The following LAP3 variants were observed in gnomAD, a reference collection of about 807,000 sequenced individuals.
The protein encoded by LAP3 is cytosol aminopeptidase.
LAP3 carries 46 observed loss-of-function variants against 58.8 expected under a neutral mutation model. The observed-to-expected ratio is 0.78, with a 90% CI of 0.62 to 1.00. The LOEUF (loss-of-function observed/expected upper bound fraction) is 1.00, where lower values mean the gene tolerates loss of function less well. LAP3 is among the 50% of genes least tolerant of loss of function. The pLI, the probability that LAP3 is intolerant of heterozygous loss-of-function variation, is 0.00. For synonymous variants in LAP3, 257 were observed against 237.7 expected (o/e 1.08, Z -0.75); for missense variants, 615 against 659.1 (o/e 0.93, Z 0.73).
intron 1 of LAP3, among the ~76,000 whole-genome samples, chr4:17,579,323 T>G (rs533228872): frequency 2.0e-5 from 3 of 152,318 alleles, no homozygotes; most frequent in South Asian, 4.1e-4. Context: ...CTCCTTTTCC[T>G]GGTACAGGGA....
chr4:17,600,330 GC>G (rs1713951251), intron 10 of LAP3, among the ~76,000 whole-genome samples: 1 of 144,008 alleles, frequency 6.9e-6, no homozygotes, highest in South Asian at 2.2e-4. Flanking sequence ...TTCAAAGCTG[GC>G]ATTATAGTGT....
chr4:17,607,346 A>C, intron 12 of LAP3, 54 bp from the exon 13 acceptor site: 2 of 1,501,080 alleles, frequency 1.3e-6, no homozygotes, highest in East Asian at 4.6e-5. Context: ...AAAATGTGGG[A>C]TCTCAGTGCA....
intron 12 of LAP3, 139 bp from the exon 13 acceptor site, chr4:17,607,261 C>G (rs4698629): frequency 0.66 from 426,647 of 644,892 alleles, 143,960 homozygotes; most frequent in East Asian, 0.96. Context: ...TATTCTGAAA[C>G]TGATATGTGG....
rs867753692 is a variant in LAP3 at position 17,582,558 on chromosome 4, T to A, written c.379+165T>A. 22 of 601,252 alleles carry A rather than the reference T, an allele frequency of 3.7e-5. No homozygotes were observed. In the Middle Eastern group the frequency reaches 1.0e-3, roughly 29 times the overall value. 37.2% of individuals were successfully genotyped at this position (601,252 alleles called of 1,614,324 possible). The stretch of plus-strand genomic sequence containing the variant: ...TCCTCTTGCTGAATATGGTTGGCCT[T>A]ATGATAAATACAGAAGGTTAGCTAA... On this transcript the variant is annotated intron_variant, in intron 4 of 12. Coordinates refer to ENST00000226299, the MANE Select transcript of LAP3 (RefSeq NM_015907.3).
chr4:17,604,392 A>G (rs980290150), intron 10 of LAP3, among the ~76,000 whole-genome samples, 196 bp from the exon 11 acceptor site: 32 of 152,138 alleles, frequency 2.1e-4, no homozygotes, highest in Non-Finnish European at 4.4e-5. Context: ...TGCATTTCCT[A>G]ATAATTTAAG....
chr4:17,598,145 C>G (rs1713879312), intron 9 of LAP3, among the ~76,000 whole-genome samples: 1 of 152,006 alleles, frequency 6.6e-6, no homozygotes, highest in African/African-American at 2.4e-5. Context: ...AGCTCTGGTA[C>G]AGTGATTATT....
intron 11 of LAP3, among the ~76,000 whole-genome samples, chr4:17,605,642 A>G (rs1231974451): frequency 6.6e-6 from 1 of 152,106 alleles, no homozygotes; most frequent in African/African-American, 2.4e-5. Flanking sequence ...TCCTTCATAT[A>G]TGTCATCATT....
In LAP3 at chr4:17,606,918, T is replaced by A; in HGVS notation, c.1350T>A (p.Val450=). The A allele has an allele frequency of 6.2e-7, 1 of 1,610,934 alleles. No individual in the cohort carries two copies. The highest frequency in any genetic ancestry group is 8.5e-7 in the Non-Finnish European group (1 of 1,177,762). Residue 450 remains valine, a synonymous_variant, in exon 12 of 13, where the codon GTT becomes GTA. Transcript: ENST00000226299. The part of the protein sequence containing the change: ...RQVVDCQLAD[V]NNIGKYRSAG... ...TTGTAGATTGCCAGCTTGCTGATGTTAACAACATTGGAAAATACAGGTATG... is the reference window on the plus strand; with the variant it reads ...TTGTAGATTGCCAGCTTGCTGATGTAAACAACATTGGAAAATACAGGTATG...
At chr4:17,584,315 A>T (rs1475549012) in intron 5 of LAP3, among the ~76,000 whole-genome samples, 1 of 152,198 alleles carries the variant, frequency 6.6e-6, no homozygotes, top group Non-Finnish European at 1.5e-5. Context: ...TACCGATTTC[A>T]TGGGGTTTGT....
intron 5 of LAP3, among the ~76,000 whole-genome samples, chr4:17,583,872 T>C (rs1338333859): frequency 1.3e-5 from 2 of 152,226 alleles, no homozygotes; most frequent in Admixed American, 1.3e-4. Flanking sequence ...CTCCCTGCTC[T>C]GATTACAAGG....
intron 3 of LAP3, 135 bp from the exon 4 acceptor site, chr4:17,582,153 A>G: frequency 4.2e-6 from 3 of 718,338 alleles, no homozygotes; most frequent in Non-Finnish European, 6.9e-6. Context: ...ACCAAATTTC[A>G]CCGTGCGTTT....
At chr4:17,585,201 A>C in intron 6 of LAP3, 65 bp downstream of exon 6, 1 of 1,350,878 alleles carries the variant, frequency 7.4e-7, no homozygotes, top group Non-Finnish European at 1.1e-6. Flanking sequence ...AGATCCTAAA[A>C]TCCAGCTCCC....
chr4:17,601,360 A>G (rs1046325138), intron 10 of LAP3, among the ~76,000 whole-genome samples: 15 of 152,180 alleles, frequency 9.9e-5, no homozygotes, highest in African/African-American at 3.1e-4. Flanking sequence ...CGTGGTCCCA[A>G]CTGGACCACC....
At position 17,583,317 on chromosome 4, in the gene LAP3, G is replaced by A. The variant is rs574460227; in HGVS notation, c.380-166G>A. The A allele has an allele frequency of 2.6e-4, 194 of 736,396 alleles. No homozygotes were observed. The African/African-American group carries it at 2.9e-3, about 11-fold the overall frequency. The allele number at this position is 736,396 out of a possible 1,614,324, so 45.6% of individuals were successfully genotyped here. A position where few individuals can be genotyped will look rare whatever the true frequency, so the allele number is the denominator to read the frequency against. On this transcript the variant is annotated intron_variant, in intron 4 of 12. Coordinates refer to ENST00000226299, the MANE Select transcript of LAP3 (RefSeq NM_015907.3). ...GGTACTTGCTGTAAAATGCACTCAC[G>A]TCTTCATTTTACAGAAGAGGAAATG...
intron 11 of LAP3, 42 bp from the exon 12 acceptor site, chr4:17,606,787 C>A: frequency 7.3e-7 from 1 of 1,364,806 alleles, no homozygotes; most frequent in Non-Finnish European, 1.0e-6. Flanking sequence ...TTTCCCACAA[C>A]CTGCCTCATC....
At chr4:17,598,338 G>C (rs1713884647) in intron 9 of LAP3, 118 bp from the exon 10 acceptor site, 1 of 740,528 alleles carries the variant, frequency 1.4e-6, no homozygotes, top group Non-Finnish European at 2.5e-6. Context: ...TGAATGGTTT[G>C]ATAATGACAC....
chr4:17,579,018 A>T (rs1401273778), intron 1 of LAP3, among the ~76,000 whole-genome samples: 4 of 152,242 alleles, frequency 2.6e-5, no homozygotes, highest in Admixed American at 2.6e-4. Context: ...AAGATGTATT[A>T]ACAAGAGAAA....
chr4:17,604,633 C>G lies in LAP3; in HGVS notation c.1226C>G (p.Thr409Ser). The part of the protein sequence containing the change: ...ALGSGATGVF[T>S]NSSWLWNKLF... Reference sequence around the variant, plus strand: ...GGATCAGGTGCCACTGGGGTCTTTACCAATTCATCCTGGCTCTGGAACAAA... The same window carrying G: ...GGATCAGGTGCCACTGGGGTCTTTAGCAATTCATCCTGGCTCTGGAACAAA... Residue 409 changes from threonine to serine, a missense_variant, in exon 11 of 13, where the codon ACC (threonine) becomes AGC (serine). By Grantham distance (58) the Thr-to-Ser change is moderately conservative (BLOSUM62 1). Coordinates refer to ENST00000226299, the MANE Select transcript of LAP3 (RefSeq NM_015907.3). 6.2e-7 allele frequency: 1 copy of G among 1,613,774 alleles called. No individual in the cohort carries two copies. The highest frequency in any genetic ancestry group is 1.1e-5 in the South Asian group (1 of 91,078).
At chr4:17,582,639 T>C in intron 4 of LAP3, 1 of 368,368 alleles carries the variant, frequency 2.7e-6, no homozygotes, top group Non-Finnish European at 5.0e-6. Flanking sequence ...CTACCATTTG[T>C]TCGCTCTTGT....
Sources: allele counts gnomAD v4.1 joint callset (sites outside exome capture counted in the v4.1 genomes callset), GRCh38; gene constraint gnomAD v4.1.1; transcripts MANE v1.5; gene names NCBI Gene and HGNC (gene_info 2026-07-23, HGNC 2026-07-21).